The following FAT3 variants were observed in gnomAD, a reference collection of about 807,000 sequenced individuals.
The protein encoded by FAT3 is protocadherin Fat 3.
In FAT3, 95 loss-of-function variants were observed where a neutral mutation model predicts 310.2. The ratio of observed to expected loss-of-function variants is 0.31; its 90% confidence interval spans 0.26 to 0.36. The LOEUF is 0.36. Ranked by LOEUF, FAT3 falls within the 10% of genes least tolerant of loss-of-function variation. The pLI, the probability that FAT3 is intolerant of heterozygous loss-of-function variation, is 1.00. For missense variants in FAT3, 5,408 were observed against 5,715.6 expected (o/e 0.95, Z 1.74); for synonymous variants, 2,314 against 2,192.9 (o/e 1.06, Z -1.54).
intron 3 of FAT3, among the ~76,000 whole-genome samples, chr11:92,539,491 A>G (rs1954371030): frequency 6.6e-6 from 1 of 152,184 alleles, no homozygotes; most frequent in Non-Finnish European, 1.5e-5. Context: ...CTTTCATCCA[A>G]CTCTGATTTA....
chr11:92,499,016 T>A (rs958143665), intron 2 of FAT3: 1 of 152,072 alleles, frequency 6.6e-6, no homozygotes, highest in East Asian at 1.9e-4. Context: ...TGTAAACTGC[T>A]ATTCCTTTTA....
intron 1 of FAT3, among the ~76,000 whole-genome samples, chr11:92,349,157 A>G (rs1208832278): frequency 2.6e-5 from 4 of 152,160 alleles, no homozygotes; most frequent in Non-Finnish European, 5.9e-5. Context: ...AAGTCTTCTC[A>G]GCACAGGATA....
intron 3 of FAT3, among the ~76,000 whole-genome samples, chr11:92,614,913 A>T (rs541826888): frequency 7.2e-4 from 110 of 152,224 alleles, no homozygotes; most frequent in Admixed American, 3.5e-3. Flanking sequence ...AACTTCATTC[A>T]TTTTTTTATG....
chr11:92,744,122 G>T (rs1945584318), intron 4 of FAT3, among the ~76,000 whole-genome samples: 1 of 152,194 alleles, frequency 6.6e-6, no homozygotes, highest in Non-Finnish European at 1.5e-5. Context: ...CTGATGAGAT[G>T]TTGGGAGGAA....
intron 4 of FAT3, among the ~76,000 whole-genome samples, chr11:92,729,817 C>T (rs911909226): frequency 5.3e-5 from 8 of 152,050 alleles, no homozygotes; most frequent in East Asian, 1.9e-4. Context: ...TAAAAAATTA[C>T]GTTGAAATTT....
At chr11:92,766,530 T>G (rs938857146) in intron 6 of FAT3, 1 of 152,246 alleles carries the variant, frequency 6.6e-6, no homozygotes, top group African/African-American at 2.4e-5. Context: ...CAAACCTCTA[T>G]AGAGAGTCCT....
intron 2 of FAT3, among the ~76,000 whole-genome samples, chr11:92,499,572 T>C (rs1952867578): frequency 6.6e-6 from 1 of 151,984 alleles, no homozygotes. Context: ...TCACCTGGTT[T>C]TGGGATGCTG....
chr11:92,888,560 C>A (rs1369469732), intron 25 of FAT3, among the ~76,000 whole-genome samples: 1 of 152,152 alleles, frequency 6.6e-6, no homozygotes, highest in Non-Finnish European at 1.5e-5. Context: ...TCTCCACAAG[C>A]CTTTGTACTG....
intron 1 of FAT3, among the ~76,000 whole-genome samples, chr11:92,295,765 G>C (rs1461547638): frequency 6.6e-6 from 1 of 152,002 alleles, no homozygotes; most frequent in Admixed American, 6.6e-5. Context: ...TGGAAAGAAG[G>C]GGCCTCAAAC....
At chr11:92,757,241 A>T (rs1008061046) in intron 4 of FAT3, among the ~76,000 whole-genome samples, 10 of 152,122 alleles carry the variant, frequency 6.6e-5, no homozygotes, top group African/African-American at 9.7e-5. Flanking sequence ...GGCTCCTTTT[A>T]TTAGGTGATA....
chr11:92,851,398 T>A (rs1948826216), intron 19 of FAT3, among the ~76,000 whole-genome samples: 1 of 152,200 alleles, frequency 6.6e-6, no homozygotes, highest in African/African-American at 2.4e-5. Context: ...AATCATTATC[T>A]TAATTTTTCA....
At chr11:92,742,731 T>TG (rs1945542995) in intron 4 of FAT3, among the ~76,000 whole-genome samples, 1 of 152,216 alleles carries the variant, frequency 6.6e-6, no homozygotes, top group Non-Finnish European at 1.5e-5. Context: ...ACCTTGATGT[T>TG]GGACTTCCCA....
intron 2 of FAT3, among the ~76,000 whole-genome samples, chr11:92,471,068 A>AT (rs974792475): frequency 2.6e-5 from 4 of 152,154 alleles, no homozygotes; most frequent in Admixed American, 2.6e-4. Context: ...AGTCTATTTG[A>AT]TAGATATGTC....
intron 1 of FAT3, among the ~76,000 whole-genome samples, chr11:92,293,330 A>G (rs1383411233): frequency 6.6e-6 from 1 of 151,642 alleles, no homozygotes; most frequent in African/African-American, 2.4e-5. Flanking sequence ...ATTACCAGGC[A>G]GATCATCAGT....
At chr11:92,695,471 C>G (rs1397207678) in intron 3 of FAT3, among the ~76,000 whole-genome samples, 1 of 152,064 alleles carries the variant, frequency 6.6e-6, no homozygotes, top group African/African-American at 2.4e-5. Context: ...TAGTATTGCT[C>G]ATTCACACAG....
At chr11:92,740,384 C>A (rs1945473205) in intron 4 of FAT3, among the ~76,000 whole-genome samples, 1 of 152,196 alleles carries the variant, frequency 6.6e-6, no homozygotes, top group Non-Finnish European at 1.5e-5. Flanking sequence ...CTTTTGACAT[C>A]CGCAGAAAGT....
At chr11:92,581,222 GGCCCC>G in intron 3 of FAT3, among the ~76,000 whole-genome samples, 1 of 152,010 alleles carries the variant, frequency 6.6e-6, no homozygotes, top group East Asian at 1.9e-4. Context: ...GAGGAATTAT[GGCCCC>G]TGTGTAAGTA....
At chr11:92,311,823 C>T (rs796161582) in intron 1 of FAT3, among the ~76,000 whole-genome samples, 5 of 152,270 alleles carry the variant, frequency 3.3e-5, no homozygotes, top group African/African-American at 1.2e-4. Flanking sequence ...TGTCCAGTGT[C>T]TTTGTCATTC....
intron 2 of FAT3, among the ~76,000 whole-genome samples, chr11:92,454,058 C>CCT (rs1424405471): frequency 3.9e-5 from 6 of 151,958 alleles, no homozygotes; most frequent in Non-Finnish European, 5.9e-5. Flanking sequence ...TATTTAACTC[C>CCT]CTATATCCAA....
Sources: allele counts gnomAD v4.1 joint callset (sites outside exome capture counted in the v4.1 genomes callset), GRCh38; gene constraint gnomAD v4.1.1; transcripts MANE v1.5; gene names NCBI Gene and HGNC (gene_info 2026-07-23, HGNC 2026-07-21).